AFDN: variants seen among roughly 807,000 people sequenced by gnomAD.
AFDN encodes the protein afadin.
In AFDN, 68 loss-of-function variants were observed where a neutral mutation model predicts 216.6. The observed-to-expected ratio is 0.31, with a 90% CI of 0.26 to 0.38. The LOEUF (loss-of-function observed/expected upper bound fraction) is 0.38, where lower values mean the gene tolerates loss of function less well. Among genes scored for constraint, AFDN ranks in the 10% least tolerant of loss-of-function variants. AFDN has a pLI of 1.00. For synonymous variants in AFDN, 868 were observed against 853.7 expected (o/e 1.02, Z -0.29); for missense variants, 2,136 against 2,342.0 (o/e 0.91, Z 1.82).
At chr6:167,891,408 G>GTGTGTGTGTGTGTGTGTGTGTGT (rs1562619712) in intron 8 of AFDN, among the ~76,000 whole-genome samples, 5 of 72,050 alleles carry the variant, frequency 6.9e-5, no homozygotes, top group Non-Finnish European at 1.2e-4. Flanking sequence ...TAAAGGGGTG[G>GTGTGTGTGTGTGTGTGTGTGTGT]GTGTGTGTGT....
chr6:167,936,996 A>G (rs1259305983), intron 23 of AFDN, among the ~76,000 whole-genome samples: 2 of 152,174 alleles, frequency 1.3e-5, no homozygotes, highest in African/African-American at 2.4e-5. Context: ...TAGAATTTTT[A>G]TGATCAGTTT....
At chr6:167,891,410 T>G (rs924664050) in intron 8 of AFDN, among the ~76,000 whole-genome samples, 19 of 35,038 alleles carry the variant, frequency 5.4e-4, no homozygotes, top group South Asian at 2.3e-3. Context: ...AAGGGGTGGG[T>G]GTGTGTGTGT....
chr6:167,870,773 C>T (rs1784701422), intron 3 of AFDN, among the ~76,000 whole-genome samples: 1 of 151,962 alleles, frequency 6.6e-6, no homozygotes, highest in Non-Finnish European at 1.5e-5. Flanking sequence ...TGATCAGCTG[C>T]AGTTATTTTT....
At chr6:167,900,613 T>TA (rs1280738192) in intron 11 of AFDN, among the ~76,000 whole-genome samples, 1 of 152,208 alleles carries the variant, frequency 6.6e-6, no homozygotes, top group African/African-American at 2.4e-5. Context: ...TGGGAAAAGT[T>TA]AAAGAATTTT....
chr6:167,858,119 T>A (rs1429808136), intron 1 of AFDN, among the ~76,000 whole-genome samples: 2 of 152,166 alleles, frequency 1.3e-5, no homozygotes, highest in African/African-American at 2.4e-5. Context: ...ACTTTCACTT[T>A]TTGATCCCCT....
intron 1 of AFDN, among the ~76,000 whole-genome samples, chr6:167,835,206 ACT>A (rs1373524588): frequency 1.3e-5 from 2 of 152,110 alleles, no homozygotes; most frequent in Admixed American, 6.6e-5. Context: ...AAGCTCTCAA[ACT>A]CTCAGTAGTG....
At chr6:167,910,957 T>C in intron 13 of AFDN, 144 bp from the exon 14 acceptor site, 1 of 697,092 alleles carries the variant, frequency 1.4e-6, no homozygotes, top group Non-Finnish European at 2.4e-6. Flanking sequence ...AGGCTACATC[T>C]GAAAACAAGG....
chr6:167,948,034 C>A, intron 28 of AFDN, 90 bp downstream of exon 28: 1 of 996,280 alleles, frequency 1.0e-6, no homozygotes. Flanking sequence ...ACAATTTTTA[C>A]TCTGAATTAG....
rs1795925316 is a variant in AFDN, at chr6:167,951,104, C to T, written c.3832-82C>T. On this transcript the variant is annotated intron_variant, in intron 29 of 33. Coordinates refer to ENST00000683244, the MANE Select transcript of AFDN (RefSeq NM_001386888.1). The surrounding 1 kb of genome is among the most constrained non-coding windows in gnomAD (Gnocchi z 7.1). ...GTACACTGATTTAACAGTTTTTCTT[C>T]TGTCTGAAGATAAAATGTTTGTGGA... 1.4e-6 allele frequency: 2 copies of T among 1,460,294 alleles called. No individual in the cohort carries two copies. The highest frequency in any genetic ancestry group is 1.8e-6 in the Non-Finnish European group (2 of 1,107,796). 90.5% of individuals were successfully genotyped at this position (1,460,294 alleles called of 1,614,324 possible).
intron 11 of AFDN, 51 bp downstream of exon 11, chr6:167,898,518 G>A (rs1448639415): frequency 6.6e-7 from 1 of 1,515,374 alleles, no homozygotes; most frequent in Non-Finnish European, 8.9e-7. Flanking sequence ...ACTTAAAGTA[G>A]TTCAGATTAT....
chr6:167,842,880 T>A (rs1481853327), intron 1 of AFDN, among the ~76,000 whole-genome samples: 3 of 152,190 alleles, frequency 2.0e-5, no homozygotes, highest in African/African-American at 4.8e-5. Context: ...GCATCTCCAG[T>A]AAAGTTTTAT....
At position 167,962,487 on chromosome 6, in the gene AFDN, G is replaced by A. The variant is rs1469987972; in HGVS notation, c.4888G>A (p.Glu1630Lys). The A allele has an allele frequency of 6.2e-7, 1 of 1,613,650 alleles. No homozygotes were observed. The highest frequency in any genetic ancestry group is 8.5e-7 in the Non-Finnish European group (1 of 1,179,720). The change falls in exon 31 of 34, where the codon GAA becomes AAA. Residue 1630 changes from glutamate to lysine, a missense_variant. By Grantham distance (56) the Glu-to-Lys change is moderately conservative. Around this residue, in one of 8 missense-constraint regions of AFDN, gnomAD observed 981 missense variants for 966.0 expected, o/e 1.02. Coordinates refer to ENST00000683244, the MANE Select transcript of AFDN (RefSeq NM_001386888.1). The surrounding 1 kb of genome is among the most constrained non-coding windows in gnomAD (Gnocchi z 5.2). Reference protein sequence around the residue: ...QQQLEEMRKREAEDRARQEEE... With the variant: ...QQQLEEMRKRKAEDRARQEEE... ...GCAGTTAGAAGAGATGCGCAAGCGGGAAGCGGAAGACCGAGCGAGGCAAGA... is the reference window on the plus strand; with the variant it reads ...GCAGTTAGAAGAGATGCGCAAGCGGAAAGCGGAAGACCGAGCGAGGCAAGA...
intron 1 of AFDN, among the ~76,000 whole-genome samples, chr6:167,854,836 G>T (rs1583168377): frequency 6.7e-6 from 1 of 149,822 alleles, no homozygotes; most frequent in African/African-American, 2.4e-5. Context: ...GATTGCTCTG[G>T]ATTTCTTGCT....
chr6:167,838,688 T>C (rs1780718780), intron 1 of AFDN, among the ~76,000 whole-genome samples: 4 of 152,234 alleles, frequency 2.6e-5, no homozygotes, highest in Admixed American at 2.6e-4. Flanking sequence ...TTGTACCTTC[T>C]TACATCCTAC....
chr6:167,938,420 A>G (rs1794278730), intron 23 of AFDN, among the ~76,000 whole-genome samples: 1 of 152,158 alleles, frequency 6.6e-6, no homozygotes, highest in Non-Finnish European at 1.5e-5. Context: ...TGCTTCAGGA[A>G]ATGTGATTGG....
At chr6:167,880,903 C>T (rs1786027538) in intron 6 of AFDN, among the ~76,000 whole-genome samples, 1 of 152,128 alleles carries the variant, frequency 6.6e-6, no homozygotes, top group Middle Eastern at 3.4e-3. Flanking sequence ...AAAGTATGTG[C>T]CAATTTTGTT....
rs755729244 is a variant in AFDN at position 167,915,355 on chromosome 6, G to T, written c.2487G>T (p.Gln829His). The change falls in exon 19 of 34, where the codon CAG becomes CAT. Residue 829 changes from glutamine (Q) to histidine (H), a missense_variant. This residue lies in a region of AFDN where 817 missense variants were observed against 965.7 expected (regional missense o/e 0.85). Transcript: ENST00000683244. ...SHYWGAIIRQ[Q>H]LGHIEAWAEK... ...ACTGGGGTGCGATTATCCGTCAGCA[G>T]TTGGGCCATATTGAAGCCTGGGCTG... is the stretch of plus-strand genomic sequence containing the variant. The T allele has an allele frequency of 8.7e-6, 14 of 1,614,142 alleles. No homozygotes were observed. The highest frequency in any genetic ancestry group is 1.2e-5 in the Non-Finnish European group (14 of 1,180,062).
Position 167,907,222 on chromosome 6 carries a change from G to A in AFDN, c.1702G>A (p.Glu568Lys), listed in dbSNP as rs931063190. ...AGTGTCGTCTGCCTCTAGCACAGCC[G>A]AGCGGGGAATGGTGAAGCCGATGAT... Reference protein sequence around the residue: ...DRVSSASSTAERGMVKPMIRV... With the variant: ...DRVSSASSTAKRGMVKPMIRV... The change falls in exon 13 of 34, where the codon GAG becomes AAG. Residue 568 changes from glutamate (E) to lysine (K), a missense_variant. This residue lies in a region of AFDN where 817 missense variants were observed against 965.7 expected (regional missense o/e 0.85). Coordinates refer to ENST00000683244, the MANE Select transcript of AFDN (RefSeq NM_001386888.1). 8 of 1,614,174 alleles carry A rather than the reference G, an allele frequency of 5.0e-6. No individual in the cohort carries two copies. The highest frequency in any genetic ancestry group is 6.8e-6 in the Non-Finnish European group (8 of 1,180,022).
intron 1 of AFDN, chr6:167,827,500 C>T (rs1388346412): frequency 2.1e-5 from 3 of 146,020 alleles, no homozygotes; most frequent in Non-Finnish European, 4.6e-5. Flanking sequence ...GTTCCCCTCT[C>T]CGGCCGCTCA....
Sources: allele counts gnomAD v4.1 joint callset (sites outside exome capture counted in the v4.1 genomes callset), GRCh38; gene constraint gnomAD v4.1.1; regional missense constraint gnomAD v4.1.1; non-coding constraint Gnocchi (gnomAD v3.1); transcripts MANE v1.5; gene names NCBI Gene and HGNC (gene_info 2026-07-23, HGNC 2026-07-21).